Variants in RAPGEF6 observed in about 807,000 individuals in gnomAD.
The protein encoded by RAPGEF6 is Rap guanine nucleotide exchange factor 6, also known as PDZ domain containing guanine nucleotide exchange factor (GEF) 2.
Under a neutral mutation model 171.4 loss-of-function variants are expected in RAPGEF6, and 56 were observed. The ratio of observed to expected loss-of-function variants is 0.33; its 90% CI spans 0.26 to 0.41. RAPGEF6 has a LOEUF of 0.41. Ranked by LOEUF, RAPGEF6 falls within the 10% of genes least tolerant of loss-of-function variation. The probability of loss-of-function intolerance (pLI) is 1.00; values close to 1 mark genes in which losing one functional copy is unlikely to be tolerated. For synonymous variants in RAPGEF6, 692 were observed against 650.1 expected, an observed-to-expected ratio of 1.06 and a Z score of -0.98; for missense variants, 1,674 against 1,921.4, an observed-to-expected ratio of 0.87 and a Z score of 2.41.
chr5:131,563,964 A>G (rs559026864), intron 4 of RAPGEF6, among the ~76,000 whole-genome samples: 5 of 152,248 alleles, frequency 3.3e-5, no homozygotes, highest in South Asian at 4.2e-4. Flanking sequence ...ACAAAAACAG[A>G]AAACAAAACA....
At position 131,633,190 on chromosome 5, in the gene RAPGEF6, G is replaced by A. The variant is rs184073993; in HGVS notation, c.69+1772C>T. Among the ~76,000 whole-genome samples the A allele has an allele frequency of 1.0e-3, 156 of 152,158 alleles. 1 individual carries two copies. The highest frequency in any genetic ancestry group is 3.6e-3 in the African/African-American group (149 of 41,510). On this transcript the variant is annotated intron_variant, in intron 1 of 27. Transcript: ENST00000509018. ...CTACTAAAAATACAAAAATTAGCTG[G>A]GCATAGTGGCGTGTGCCTGTAATCT... is the stretch of plus-strand genomic sequence containing the variant.
rs544838906 is a variant in RAPGEF6 at position 131,448,901 on chromosome 5, C to CAAG, written c.3201-2201_3201-2199dup. 3.1e-3 allele frequency among the ~76,000 whole-genome samples: 471 copies of CAAG among 151,864 alleles called. 3 individuals carry two copies. The highest frequency in any genetic ancestry group is 0.011 in the African/African-American group (449 of 41,400). On this transcript the variant is annotated intron_variant, in intron 21 of 27. Coordinates refer to ENST00000509018, the MANE Select transcript of RAPGEF6 (RefSeq NM_016340.6). ...TTCAGTGAGAAGAGCCAAAAGAGAC[C>CAAG]AAGACATAAATTTGCGATCCAGAAG...
intron 1 of RAPGEF6, among the ~76,000 whole-genome samples, chr5:131,611,564 C>G (rs1207872967): frequency 6.6e-6 from 1 of 152,100 alleles, no homozygotes; most frequent in Admixed American, 6.5e-5. Context: ...CCCAGCTACT[C>G]AGGAGGCTCA....
At chr5:131,629,100 C>G (rs978242804) in intron 1 of RAPGEF6, among the ~76,000 whole-genome samples, 5 of 152,122 alleles carry the variant, frequency 3.3e-5, no homozygotes, top group African/African-American at 9.7e-5. Context: ...AAAGCTACAG[C>G]TGACATAGAC....
intron 22 of RAPGEF6, 51 bp downstream of exon 22, chr5:131,446,432 T>C: frequency 6.7e-7 from 1 of 1,499,794 alleles, no homozygotes. Flanking sequence ...AGAAATAAGT[T>C]TTTATTTTGT....
At chr5:131,625,746 G>A (rs1765881064) in intron 1 of RAPGEF6, among the ~76,000 whole-genome samples, 1 of 151,436 alleles carries the variant, frequency 6.6e-6, no homozygotes, top group Non-Finnish European at 1.5e-5. Flanking sequence ...AACCCGGGAG[G>A]TGGAGCTTGC....
chr5:131,477,883 C>CT (rs1452091180), intron 16 of RAPGEF6, among the ~76,000 whole-genome samples: 1 of 152,158 alleles, frequency 6.6e-6, no homozygotes, highest in African/African-American at 2.4e-5. Flanking sequence ...TTTCTGCCTT[C>CT]TGGATCCTCG....
intron 4 of RAPGEF6, among the ~76,000 whole-genome samples, chr5:131,585,784 C>A (rs1377416098): frequency 6.6e-6 from 1 of 152,172 alleles, no homozygotes; most frequent in East Asian, 1.9e-4. Context: ...CAAGATCGCG[C>A]CATTGCACCC....
chr5:131,585,318 ATACATACATACATACATATAT>A, intron 4 of RAPGEF6, among the ~76,000 whole-genome samples: 1 of 151,742 alleles, frequency 6.6e-6, no homozygotes, highest in African/African-American at 2.4e-5. Flanking sequence ...ACATACATAC[ATACATACATACATACATATAT>A]ATCTCCATGG....
At chr5:131,623,681 C>T (rs1054020320) in intron 1 of RAPGEF6, among the ~76,000 whole-genome samples, 4 of 151,998 alleles carry the variant, frequency 2.6e-5, no homozygotes, top group African/African-American at 9.7e-5. Context: ...GAGGAGGTTT[C>T]TCCATGTCGG....
Position 131,428,896 on chromosome 5 carries a change from A to T in RAPGEF6, c.4780+6T>A, listed in dbSNP as rs1751527920. 6.2e-7 allele frequency: 1 copy of T among 1,610,402 alleles called. No homozygotes were observed. The highest frequency in any genetic ancestry group is 8.5e-7 in the Non-Finnish European group (1 of 1,177,086). On this transcript the variant is annotated splice_donor_region_variant and intron_variant, in intron 27 of 27. Coordinates refer to ENST00000509018, the MANE Select transcript of RAPGEF6 (RefSeq NM_016340.6). The stretch of plus-strand genomic sequence containing the variant: ...TAAGAGCCTTTAAGAGAGCTTGTCA[A>T]CATACCATCTGCTTCGCTATCTGCA...
chr5:131,593,880 T>C (rs535939847), intron 3 of RAPGEF6, among the ~76,000 whole-genome samples: 1 of 152,348 alleles, frequency 6.6e-6, no homozygotes, highest in African/African-American at 2.4e-5. Flanking sequence ...GGAACTTATA[T>C]TTTAAAGGGA....
intron 8 of RAPGEF6, among the ~76,000 whole-genome samples, 178 bp from the exon 9 acceptor site, chr5:131,508,385 T>C (rs1757503591): frequency 6.6e-6 from 1 of 152,218 alleles, no homozygotes; most frequent in Non-Finnish European, 1.5e-5. Context: ...TTGATTAATA[T>C]GTATATTCAG....
chr5:131,529,732 G>C (rs1278833916), intron 6 of RAPGEF6, among the ~76,000 whole-genome samples: 2 of 152,204 alleles, frequency 1.3e-5, no homozygotes, highest in Admixed American at 6.5e-5. Context: ...GCAAGATGGA[G>C]AGACCTTGTC....
intron 4 of RAPGEF6, among the ~76,000 whole-genome samples, chr5:131,578,864 C>T (rs1480805574): frequency 6.6e-6 from 1 of 152,190 alleles, no homozygotes; most frequent in African/African-American, 2.4e-5. Context: ...CTTGGCTTTG[C>T]TCCCCCTGCT....
chr5:131,627,688 T>C (rs1050869853), intron 1 of RAPGEF6, among the ~76,000 whole-genome samples: 1 of 152,206 alleles, frequency 6.6e-6, no homozygotes, highest in Non-Finnish European at 1.5e-5. Flanking sequence ...GCATACTCTG[T>C]TTTATTGTGC....
At chr5:131,584,832 T>A (rs769102325) in intron 4 of RAPGEF6, among the ~76,000 whole-genome samples, 1 of 152,138 alleles carries the variant, frequency 6.6e-6, no homozygotes, top group Non-Finnish European at 1.5e-5. Context: ...GAGTAATAAC[T>A]CCATCTCCCA....
intron 21 of RAPGEF6, chr5:131,449,944 C>T (rs1053909909): frequency 3.7e-5 from 50 of 1,369,592 alleles, no homozygotes; most frequent in Admixed American, 8.0e-5. Context: ...ATTTTATGTG[C>T]GTGCATTAAT....
At chr5:131,548,851 T>C (rs1308515906) in intron 5 of RAPGEF6, among the ~76,000 whole-genome samples, 2 of 152,108 alleles carry the variant, frequency 1.3e-5, no homozygotes, top group African/African-American at 4.8e-5. Flanking sequence ...ACAGTGATAC[T>C]TATTAAAGGT....
Sources: allele counts gnomAD v4.1 joint callset (sites outside exome capture counted in the v4.1 genomes callset), GRCh38; gene constraint gnomAD v4.1.1; transcripts MANE v1.5; gene names NCBI Gene and HGNC (gene_info 2026-07-23, HGNC 2026-07-21).